MKLN1: variants seen among roughly 807,000 people sequenced by gnomAD.
MKLN1 encodes the protein muskelin 1.
A neutral mutation model predicts 99.0 loss-of-function variants in MKLN1; 18 were observed. That is an observed-to-expected ratio of 0.18 (90% CI 0.13 to 0.27). The LOEUF (loss-of-function observed/expected upper bound fraction) is 0.27. Among genes scored for constraint, MKLN1 ranks in the 10% least tolerant of loss-of-function variants. The pLI, the probability that MKLN1 is intolerant of heterozygous loss-of-function variation, is 1.00. For missense variants in MKLN1, 621 were observed against 875.9 expected, an observed-to-expected ratio of 0.71 and a Z score of 3.67; for synonymous variants, 288 against 293.2, an observed-to-expected ratio of 0.98 and a Z score of 0.18.
chr7:131,339,603 G>T (rs550012104), intron 1 of MKLN1, among the ~76,000 whole-genome samples: 1 of 152,122 alleles, frequency 6.6e-6, no homozygotes, highest in East Asian at 1.9e-4. Context: ...GGAGGCTGAG[G>T]CACGAGAATT....
intron 1 of MKLN1, among the ~76,000 whole-genome samples, chr7:131,127,097 G>A (rs11767788): frequency 0.48 from 72,822 of 150,996 alleles, 19,175 homozygotes; most frequent in Non-Finnish European, 0.61. Context: ...CCTGGGAGGC[G>A]GAGGCTGCGG....
chr7:131,403,308 T>G (rs1197672927), intron 6 of MKLN1, among the ~76,000 whole-genome samples: 2 of 152,224 alleles, frequency 1.3e-5, no homozygotes, highest in East Asian at 1.9e-4. Flanking sequence ...GTTTTCTGAC[T>G]TCTCTCAGCT....
chr7:131,134,307 C>G (rs1357465799), intron 1 of MKLN1, among the ~76,000 whole-genome samples: 1 of 152,146 alleles, frequency 6.6e-6, no homozygotes, highest in Non-Finnish European at 1.5e-5. Flanking sequence ...TTTCTCCTTT[C>G]CAGTCTATTG....
At chr7:131,431,801 C>G (rs1174167577) in intron 9 of MKLN1, among the ~76,000 whole-genome samples, 1 of 152,190 alleles carries the variant, frequency 6.6e-6, no homozygotes, top group Non-Finnish European at 1.5e-5. Context: ...TACTCAATTA[C>G]TTTTCCAGCC....
rs368396394 is a variant in MKLN1 at position 131,364,791 on chromosome 7, T to TC, written c.99-10633_99-10632insC. Among the ~76,000 whole-genome samples, 549 of 152,210 alleles carry TC rather than the reference T, an allele frequency of 3.6e-3. 2 individuals carry two copies. The highest frequency in any genetic ancestry group is 0.013 in the African/African-American group (522 of 41,542). The stretch of plus-strand genomic sequence containing the variant: ...GTTCCCACAAAAGAAATGATCTCGT[T>TC]TTTTTTATGGTTGCATAGTATTCCA... On this transcript the variant is annotated intron_variant, in intron 1 of 17. Transcript: ENST00000352689.
rs1198324688 is a variant in MKLN1 at position 131,192,278 on chromosome 7, AAT to A, written c.-296-10573_-296-10572del. Among the ~76,000 whole-genome samples the A allele has an allele frequency of 2.2e-3, 145 of 64,964 alleles. 11 individuals carry two copies. The South Asian group carries it at 0.03, about 14-fold the overall frequency. The allele number at this position is 64,964 out of a possible 152,430, so 42.6% of individuals were successfully genotyped here. A position where few individuals can be genotyped will look rare whatever the true frequency, so the allele number is the denominator to read the frequency against. Reference sequence around the variant, plus strand: ...ATATATACAATATATAAATATATAAAATATATAATATATACAATATATAAATA... The same window carrying A: ...ATATATACAATATATAAATATATAAAATATAATATATACAATATATAAATA... On this transcript the variant is annotated intron_variant, in intron 2 of 7. Coordinates refer to the MKLN1 transcript ENST00000416992.
At chr7:131,369,066 A>G (rs963632118) in intron 1 of MKLN1, among the ~76,000 whole-genome samples, 5 of 152,156 alleles carry the variant, frequency 3.3e-5, no homozygotes, top group Non-Finnish European at 5.9e-5. Flanking sequence ...ATAGAATCAT[A>G]CATGCTTCTT....
chr7:131,149,054 A>C (rs1392155328), intron 2 of MKLN1, among the ~76,000 whole-genome samples: 1 of 152,200 alleles, frequency 6.6e-6, no homozygotes, highest in African/African-American at 2.4e-5. Context: ...GCGGTGGGGC[A>C]GAAAAGGTCA....
chr7:131,349,530 T>C (rs911473751), intron 1 of MKLN1, among the ~76,000 whole-genome samples: 1 of 152,200 alleles, frequency 6.6e-6, no homozygotes, highest in Non-Finnish European at 1.5e-5. Flanking sequence ...TATATTGTTA[T>C]ATTGTCTGAG....
chr7:131,120,170 C>CAAAAAAAA (rs34545571), intron 1 of MKLN1, among the ~76,000 whole-genome samples: 2 of 76,488 alleles, frequency 2.6e-5, no homozygotes, highest in Non-Finnish European at 4.5e-5. Flanking sequence ...GACTCCATCT[C>CAAAAAAAA]AAAAAAAAAA....
rs958209023 is a variant in MKLN1, at chr7:131,438,092, T to G, written c.1173+95T>G. ...TTAGATGTTATGCTGAGTTGTCCAG[T>G]AGTGCTTTCCATGACAAATATCTAT... On this transcript the variant is annotated intron_variant, in intron 10 of 17. Coordinates refer to ENST00000352689, the MANE Select transcript of MKLN1 (RefSeq NM_013255.5). 7 of 903,382 alleles carry G rather than the reference T, an allele frequency of 7.7e-6. No individual in the cohort carries two copies. The African/African-American group carries it at 9.9e-5, about 13-fold the overall frequency. The allele number at this position is 903,382 out of a possible 1,614,324, so 56.0% of individuals were successfully genotyped here. A position where few individuals can be genotyped will look rare whatever the true frequency, so the allele number is the denominator to read the frequency against.
chr7:131,196,410 C>T (rs1424575491), intron 2 of MKLN1, among the ~76,000 whole-genome samples: 2 of 152,188 alleles, frequency 1.3e-5, no homozygotes, highest in African/African-American at 2.4e-5. Flanking sequence ...GCGAATGTGT[C>T]TGTCACTCGC....
chr7:131,264,011 G>A (rs1423697470), intron 3 of MKLN1, among the ~76,000 whole-genome samples: 3 of 152,146 alleles, frequency 2.0e-5, no homozygotes, highest in African/African-American at 7.2e-5. Flanking sequence ...CCTTCTGTAT[G>A]GAGTAGACAC....
chr7:131,164,412 G>A (rs1293440139), intron 2 of MKLN1, among the ~76,000 whole-genome samples: 1 of 152,110 alleles, frequency 6.6e-6, no homozygotes, highest in East Asian at 1.9e-4. Context: ...GCCACACCCG[G>A]CCACTTATTT....
At chr7:131,221,458 A>G (rs1238353981) in intron 3 of MKLN1, among the ~76,000 whole-genome samples, 2 of 150,896 alleles carry the variant, frequency 1.3e-5, no homozygotes, top group Admixed American at 6.6e-5. Context: ...TGGGTGAATC[A>G]TGGAACCAAC....
At chr7:131,358,247 A>G (rs1799937210) in intron 1 of MKLN1, among the ~76,000 whole-genome samples, 1 of 152,106 alleles carries the variant, frequency 6.6e-6, no homozygotes, top group African/African-American at 2.4e-5. Flanking sequence ...AAGATTTTTA[A>G]TCATGAATAT....
At chr7:131,405,913 G>A (rs60866269) in intron 6 of MKLN1, among the ~76,000 whole-genome samples, 39 of 151,998 alleles carry the variant, frequency 2.6e-4, no homozygotes, top group Admixed American at 2.2e-3. Context: ...GAGCAGTGTT[G>A]TATATTTGTT....
Position 131,300,880 on chromosome 7 carries a change from T to C in MKLN1, c.-178-74544T>C, listed in dbSNP as rs1277645532. ...GGTGGGAAGGCAGAAATGGAAATCT[T>C]ACAAGGTGGATGTTTATGCTGGCTG... is the stretch of plus-strand genomic sequence containing the variant. On this transcript the variant is annotated intron_variant, in intron 3 of 7. Coordinates refer to the MKLN1 transcript ENST00000416992. 2.6e-5 allele frequency among the ~76,000 whole-genome samples: 4 copies of C among 152,282 alleles called. No individual in the cohort carries two copies. In the East Asian group the frequency reaches 7.7e-4, roughly 29 times the overall value.
chr7:131,180,019 A>C (rs1404780464), intron 2 of MKLN1, among the ~76,000 whole-genome samples: 4 of 152,194 alleles, frequency 2.6e-5, no homozygotes, highest in Non-Finnish European at 4.4e-5. Flanking sequence ...AACCTCTTGA[A>C]GTGTTAGGAT....
Sources: allele counts gnomAD v4.1 joint callset (sites outside exome capture counted in the v4.1 genomes callset), GRCh38; gene constraint gnomAD v4.1.1; transcripts MANE v1.5; gene names NCBI Gene and HGNC (gene_info 2026-07-23, HGNC 2026-07-21).